PDE3B: variants seen among roughly 807,000 people sequenced by gnomAD.
The protein encoded by PDE3B is cGMP-inhibited 3',5'-cyclic phosphodiesterase 3B.
Under a neutral mutation model 116.8 loss-of-function variants are expected in PDE3B, and 66 were observed. The ratio of observed to expected loss-of-function variants is 0.56; its 90% confidence interval spans 0.46 to 0.69. The LOEUF (loss-of-function observed/expected upper bound fraction) is 0.69. Ranked by LOEUF, PDE3B falls within the 30% of genes least tolerant of loss-of-function variation. The pLI is 0.00. For missense variants in PDE3B, 1,384 were observed against 1,368.1 expected, an observed-to-expected ratio of 1.01 and a Z score of -0.18; for synonymous variants, 595 against 533.6, an observed-to-expected ratio of 1.12 and a Z score of -1.59.
chr11:14,661,438 A>G (rs971148963), intron 1 of PDE3B, among the ~76,000 whole-genome samples: 1 of 152,194 alleles, frequency 6.6e-6, no homozygotes, highest in African/African-American at 2.4e-5. Flanking sequence ...CTCACTAGGG[A>G]GTGCCAGACA....
intron 12 of PDE3B, among the ~76,000 whole-genome samples, chr11:14,849,733 A>C (rs1847700732): frequency 6.6e-6 from 1 of 152,234 alleles, no homozygotes; most frequent in Non-Finnish European, 1.5e-5. Flanking sequence ...AAACACGTGA[A>C]AAAATGCTCA....
the PDE3B span, chr11:14,880,324 T>C: frequency 6.2e-7 from 1 of 1,613,190 alleles, no homozygotes; most frequent in African/African-American, 1.3e-5. Context: ...CTGAGGTAGC[T>C]GAGGCTTTCT....
At chr11:14,767,277 A>C (rs1399894330) in intron 1 of PDE3B, among the ~76,000 whole-genome samples, 2 of 151,612 alleles carry the variant, frequency 1.3e-5, no homozygotes, top group Admixed American at 1.3e-4. Flanking sequence ...GACAACATCC[A>C]GAAGAATATA....
chr11:14,666,837 G>T (rs1170492122), intron 1 of PDE3B, among the ~76,000 whole-genome samples: 2 of 152,208 alleles, frequency 1.3e-5, no homozygotes, highest in African/African-American at 4.8e-5. Flanking sequence ...CTGTTGGTGG[G>T]ACTGTAAACT....
the PDE3B span, among the ~76,000 whole-genome samples, chr11:14,895,953 G>A: frequency 1.0e-5 from 1 of 98,796 alleles, no homozygotes; most frequent in African/African-American, 2.8e-5. Context: ...GTGGGTGTGG[G>A]GGTTTCAGAA....
chr11:14,782,600 A>C (rs567044446), intron 2 of PDE3B, among the ~76,000 whole-genome samples: 2 of 152,344 alleles, frequency 1.3e-5, no homozygotes, highest in Non-Finnish European at 2.9e-5. Flanking sequence ...ACCTTATACA[A>C]AAATTAATTC....
At position 14,643,810 on chromosome 11, in the gene PDE3B, G is replaced by A. The variant is rs1853264659; in HGVS notation, c.-266G>A. The A allele has an allele frequency of 9.4e-6, 4 of 424,568 alleles. No homozygotes were observed. The East Asian group carries it at 1.5e-4, about 16-fold the overall frequency. 26.3% of individuals were successfully genotyped at this position (424,568 alleles called of 1,614,324 possible). A position where few individuals can be genotyped will look rare whatever the true frequency, so the allele number is the denominator to read the frequency against. ...GAGGCGACACTGAGTCTCCAGTCCCGAGAGGTGCCCGAGGGAAAAGGAGGC... is the reference window on the plus strand; with the variant it reads ...GAGGCGACACTGAGTCTCCAGTCCCAAGAGGTGCCCGAGGGAAAAGGAGGC... On this transcript the variant is annotated 5_prime_UTR_variant, in exon 1 of 16. Transcript: ENST00000282096.
chr11:14,886,253 A>G, the PDE3B span: 4 of 235,210 alleles, frequency 1.7e-5, no homozygotes, highest in Admixed American at 2.0e-4. Flanking sequence ...TCTGGGCTTC[A>G]GTATTGCCAT....
At chr11:14,817,914 T>C (rs1859383791) in intron 5 of PDE3B, among the ~76,000 whole-genome samples, 1 of 152,172 alleles carries the variant, frequency 6.6e-6, no homozygotes, top group Admixed American at 6.5e-5. Flanking sequence ...TATGTTTTAG[T>C]CATACTGTTC....
chr11:14,782,271 T>C (rs1195285342), intron 2 of PDE3B, among the ~76,000 whole-genome samples: 1 of 152,234 alleles, frequency 6.6e-6, no homozygotes, highest in Admixed American at 6.5e-5. Context: ...TGAAAGTTCA[T>C]GTGGAACCAA....
At chr11:14,889,388 G>C in the PDE3B span, among the ~76,000 whole-genome samples, 4 of 152,178 alleles carry the variant, frequency 2.6e-5, no homozygotes, top group African/African-American at 9.7e-5. Context: ...GAGATCTTTA[G>C]AGATGTTTCA....
rs562255884 is a variant in PDE3B at position 14,745,121 on chromosome 11, G to A, written c.979-26816G>A. Among the ~76,000 whole-genome samples the A allele has an allele frequency of 7.2e-5, 11 of 152,272 alleles. No homozygotes were observed. In the East Asian group the frequency reaches 2.1e-3, roughly 29 times the overall value. On this transcript the variant is annotated intron_variant, in intron 1 of 15. Coordinates refer to ENST00000282096, the MANE Select transcript of PDE3B (RefSeq NM_000922.4). ...ATTATAGGCGTGAGCCACTGCACCA[G>A]CCGAAGGTAGCTTTTTTGGAGGGAG...
chr11:14,703,522 T>C (rs1436678539), intron 1 of PDE3B, among the ~76,000 whole-genome samples: 2 of 151,748 alleles, frequency 1.3e-5, no homozygotes, highest in South Asian at 4.2e-4. Context: ...TTCTTCTCCT[T>C]TGCTGTGTTT....
chr11:14,649,510 C>T (rs943135470), intron 1 of PDE3B, among the ~76,000 whole-genome samples: 6 of 152,190 alleles, frequency 3.9e-5, no homozygotes, highest in Non-Finnish European at 5.9e-5. Context: ...TTACTTTCCA[C>T]AAGGAGCATA....
chr11:14,813,455 C>G (rs1035918923), intron 5 of PDE3B, among the ~76,000 whole-genome samples: 1 of 152,176 alleles, frequency 6.6e-6, no homozygotes, highest in Non-Finnish European at 1.5e-5. Context: ...TGCCATCTCT[C>G]TGGCTCTTTT....
intron 1 of PDE3B, among the ~76,000 whole-genome samples, chr11:14,656,105 A>G (rs897377051): frequency 2.0e-5 from 3 of 152,168 alleles, no homozygotes; most frequent in Non-Finnish European, 4.4e-5. Context: ...GTGGGAGTGG[A>G]AAAGCCCTGG....
At chr11:14,881,814 A>G in the PDE3B span, among the ~76,000 whole-genome samples, 3 of 152,078 alleles carry the variant, frequency 2.0e-5, no homozygotes, top group Non-Finnish European at 4.4e-5. Flanking sequence ...AGATGCCAGC[A>G]CCATGCTTCC....
chr11:14,892,294 C>T, the PDE3B span: 3 of 1,296,444 alleles, frequency 2.3e-6, no homozygotes, highest in Non-Finnish European at 3.2e-6. Flanking sequence ...GCAGGATACC[C>T]TCAGGTCCCG....
At chr11:14,726,893 G>C (rs919469906) in intron 1 of PDE3B, among the ~76,000 whole-genome samples, 5 of 152,128 alleles carry the variant, frequency 3.3e-5, no homozygotes, top group African/African-American at 1.2e-4. Context: ...ACAGAGAATT[G>C]AATGATCATT....
Sources: allele counts gnomAD v4.1 joint callset (sites outside exome capture counted in the v4.1 genomes callset), GRCh38; gene constraint gnomAD v4.1.1; transcripts MANE v1.5; gene names NCBI Gene and HGNC (gene_info 2026-07-23, HGNC 2026-07-21).